The following SYNE3 variants were observed in gnomAD, a reference collection of about 807,000 sequenced individuals.
SYNE3 encodes spectrin repeat containing nuclear envelope family member 3.
A neutral mutation model predicts 111.2 loss-of-function variants in SYNE3; 100 were observed. The observed-to-expected ratio is 0.90, with a 90% CI of 0.77 to 1.06. SYNE3 has a LOEUF of 1.06. Among genes scored for constraint, SYNE3 ranks in the 50% least tolerant of loss-of-function variants. The pLI is 0.00. For synonymous variants in SYNE3, 547 were observed against 533.9 expected (o/e 1.02, Z -0.34); for missense variants, 1,160 against 1,240.3 (o/e 0.94, Z 0.97).
chr14:95,478,984 G>C (rs558171686), intron 1 of SYNE3, among the ~76,000 whole-genome samples: 26 of 152,128 alleles, frequency 1.7e-4, no homozygotes, highest in African/African-American at 6.3e-4. Flanking sequence ...CCTAGAATTG[G>C]TCCCAGTGGT....
intron 17 of SYNE3, among the ~76,000 whole-genome samples, chr14:95,421,136 T>G (rs1472549200): frequency 2.0e-5 from 3 of 152,216 alleles, no homozygotes; most frequent in Non-Finnish European, 4.4e-5. Context: ...TGTGAGTTCA[T>G]TAAACCTCTT....
At chr14:95,424,118 C>G (rs1048010408) in intron 17 of SYNE3, among the ~76,000 whole-genome samples, 1 of 152,132 alleles carries the variant, frequency 6.6e-6, no homozygotes, top group African/African-American at 2.4e-5. Flanking sequence ...ACAGATGAAG[C>G]AAGAGCTCAC....
In SYNE3 at chr14:95,482,578, C is replaced by A. The variant is rs73343106; in HGVS notation, c.-14-6743G>T. Among the ~76,000 whole-genome samples the A allele has an allele frequency of 5.1e-3, 781 of 152,218 alleles. 9 individuals carry two copies. The highest frequency in any genetic ancestry group is 0.017 in the African/African-American group (693 of 41,532). On this transcript the variant is annotated intron_variant, in intron 1 of 17. Coordinates refer to ENST00000682763, the MANE Select transcript of SYNE3 (RefSeq NM_152592.6). ...CTGAAACATGAGAGCAAGCCCCTCC[C>A]GAGCAAAGAAAGCGGCAACGTCAGT...
chr14:95,433,716 T>C (rs1196676919), intron 15 of SYNE3, among the ~76,000 whole-genome samples: 1 of 152,264 alleles, frequency 6.6e-6, no homozygotes, highest in African/African-American at 2.4e-5. Context: ...TTCGCATCAT[T>C]CTAAAAGCTG....
chr14:95,483,663 A>T (rs1889386387), intron 1 of SYNE3, among the ~76,000 whole-genome samples: 1 of 152,142 alleles, frequency 6.6e-6, no homozygotes, highest in Non-Finnish European at 1.5e-5. Context: ...GGTAGCGCCC[A>T]TGCATTATCT....
Position 95,470,829 on chromosome 14 carries a change from A to C in SYNE3, c.145-2862T>G, listed in dbSNP as rs142293026. ...AAAAATTAGCCGGGCATGGTGGCGC[A>C]CACCTGTGATCCTAGCTACTCAGGA... is the stretch of plus-strand genomic sequence containing the variant. On this transcript the variant is annotated intron_variant, in intron 2 of 17. Transcript: ENST00000682763. This position sits in a 1 kb window ranked among gnomAD's most constrained non-coding sequence, Gnocchi z 4.2. 1.4e-4 allele frequency among the ~76,000 whole-genome samples: 22 copies of C among 152,036 alleles called. No homozygotes were observed. The highest frequency in any genetic ancestry group is 5.3e-4 in the African/African-American group (22 of 41,518).
intron 4 of SYNE3, among the ~76,000 whole-genome samples, chr14:95,461,165 C>A (rs1055197991): frequency 6.6e-6 from 1 of 152,200 alleles, no homozygotes; most frequent in Non-Finnish European, 1.5e-5. Flanking sequence ...AATGTCAAAA[C>A]CTAACCAATT....
chr14:95,414,061 A>G lies in SYNE3; in HGVS notation c.*3765T>C, dbSNP rs907883127. 1 of 152,110 alleles carries G rather than the reference A, an allele frequency of 6.6e-6. No homozygotes were observed. Among genetic ancestry groups the G allele is most frequent in the African/African-American group, 2.4e-5 (1 of 41,374 alleles). 9.4% of individuals were successfully genotyped at this position (152,110 alleles called of 1,614,324 possible). A position where few individuals can be genotyped will look rare whatever the true frequency, so the allele number is the denominator to read the frequency against. On this transcript the variant is annotated 3_prime_UTR_variant, in exon 18 of 18. Coordinates refer to ENST00000682763, the MANE Select transcript of SYNE3 (RefSeq NM_152592.6). ...GGCAGTCCCTCAGGGAAACATTTGGATGCTCCGCTCTGGCCATGTCCCAGG... is the reference window on the plus strand; with the variant it reads ...GGCAGTCCCTCAGGGAAACATTTGGGTGCTCCGCTCTGGCCATGTCCCAGG...
chr14:95,486,127 T>C (rs1326378788), intron 1 of SYNE3, among the ~76,000 whole-genome samples: 2 of 152,028 alleles, frequency 1.3e-5, no homozygotes, highest in Admixed American at 6.5e-5. Flanking sequence ...CCAGTGCCCA[T>C]AGATGAAATC....
intron 4 of SYNE3, among the ~76,000 whole-genome samples, chr14:95,461,727 G>A (rs1431795255): frequency 2.0e-5 from 3 of 152,218 alleles, no homozygotes; most frequent in African/African-American, 4.8e-5. Flanking sequence ...GCCAGGCCTC[G>A]ACCCCCAGGA....
In SYNE3 at chr14:95,466,206, A is replaced by G. The variant is rs1595225235; in HGVS notation, c.352T>C (p.Tyr118His). The change falls in exon 4 of 18, where the codon TAC (tyrosine) becomes CAC (histidine). Residue 118 changes from tyrosine (Y) to histidine (H), a missense_variant. Transcript: ENST00000682763. ...IEWVWLHWSE[Y>H]LLARDEFYRW... is the part of the protein sequence containing the mutation. ...TAGAACTCATCTCGGGCCAGCAGGT[A>G]CTCGCTCCAGTGCAGCCACACCCAC... 1.3e-6 allele frequency: 2 copies of G among 1,588,020 alleles called. No homozygotes were observed. The highest frequency in any genetic ancestry group is 3.4e-5 in the Admixed American group (2 of 59,464).
rs1887367632 is a variant in SYNE3 at position 95,455,509 on chromosome 14, C to T, written c.1005G>A (p.Gln335=). 5 of 1,613,856 alleles carry T rather than the reference C, an allele frequency of 3.1e-6. No homozygotes were observed. The highest frequency in any genetic ancestry group is 4.2e-6 in the Non-Finnish European group (5 of 1,180,014). ...GLLRSRGAWE[Q]QIKQLEAELS... ...GCTCAGCCTCCAGCTGCTTAATCTG[C>T]TGCTCCCAGGCTCCCCTGGACCGGA... The change falls in exon 6 of 18, where the codon CAG becomes CAA. Residue 335 remains glutamine (Q), a synonymous_variant. Coordinates refer to ENST00000682763, the MANE Select transcript of SYNE3 (RefSeq NM_152592.6).
intron 8 of SYNE3, among the ~76,000 whole-genome samples, chr14:95,448,166 C>T (rs1343365682): frequency 1.3e-5 from 2 of 152,204 alleles, no homozygotes; most frequent in Non-Finnish European, 2.9e-5. Context: ...AATCTTCTGT[C>T]TCTTGGTGAC....
At chr14:95,498,753 G>C (rs1287525721) in intron 1 of SYNE3, among the ~76,000 whole-genome samples, 2 of 152,120 alleles carry the variant, frequency 1.3e-5, no homozygotes, top group African/African-American at 4.8e-5. Context: ...CCATAAGCAT[G>C]CAAAGAGCCT....
intron 17 of SYNE3, among the ~76,000 whole-genome samples, chr14:95,422,492 G>A (rs1885181066): frequency 6.6e-6 from 1 of 152,178 alleles, no homozygotes; most frequent in Non-Finnish European, 1.5e-5. Context: ...TTTCTCACAA[G>A]AAACAGCAAT....
In SYNE3 at chr14:95,436,912, A is replaced by G. The variant is rs1434893230; in HGVS notation, c.2446T>C (p.Trp816Arg). 3.7e-6 allele frequency: 6 copies of G among 1,614,154 alleles called. No individual in the cohort carries two copies. Among genetic ancestry groups the G allele is most frequent in the Non-Finnish European group, 5.1e-6 (6 of 1,180,022 alleles). Residue 816 changes from tryptophan (W) to arginine (R), a missense_variant, in exon 15 of 18, where the codon TGG becomes CGG. Trp to Arg is a moderately radical substitution (Grantham distance 101, BLOSUM62 -3). Coordinates refer to ENST00000682763, the MANE Select transcript of SYNE3 (RefSeq NM_152592.6). The part of the protein sequence containing the change: ...FSQLLRNFGQ[W>R]LQVENSKLVR... The stretch of plus-strand genomic sequence containing the variant: ...AGCTTGGAGTTTTCCACCTGCAACC[A>G]CTGCCCAAAGTTCCTCAGGAGCTGG...
chr14:95,504,970 T>C (rs189667586), intron 1 of SYNE3, among the ~76,000 whole-genome samples: 1 of 152,220 alleles, frequency 6.6e-6, no homozygotes, highest in African/African-American at 2.4e-5. Context: ...AGGCAGGGCC[T>C]GTTTATATCA....
Position 95,452,300 on chromosome 14 carries a change from G to A in SYNE3, c.1221C>T (p.His407=), listed in dbSNP as rs758098897. 3.7e-6 allele frequency: 6 copies of A among 1,613,890 alleles called. No homozygotes were observed. Among genetic ancestry groups the A allele is most frequent in the African/African-American group, 1.3e-5 (1 of 74,950 alleles). ...AQLKELIVFP[H]NLKPLSDSVI... is the part of the protein sequence containing the mutation. The stretch of plus-strand genomic sequence containing the variant: ...CACTATCAGAGAGTGGCTTCAGGTT[G>A]TGAGGGAAGACGATGAGCTCCTTCA... The change falls in exon 7 of 18, where the codon CAC becomes CAT. Residue 407 remains histidine, a synonymous_variant. Coordinates refer to ENST00000682763, the MANE Select transcript of SYNE3 (RefSeq NM_152592.6).
rs1239629404 is a variant in SYNE3, at chr14:95,490,762, C to T, written c.-14-14927G>A. Among the ~76,000 whole-genome samples the T allele has an allele frequency of 2.0e-5, 3 of 152,358 alleles. No individual in the cohort carries two copies. The East Asian group carries it at 5.8e-4, about 29-fold the overall frequency. On this transcript the variant is annotated intron_variant, in intron 1 of 17. Coordinates refer to ENST00000682763, the MANE Select transcript of SYNE3 (RefSeq NM_152592.6). ...TCAACCTGACACTCTTCAGATATGG[C>T]CCAGGGCAAGTGTTCACCACATGGG...
Sources: allele counts gnomAD v4.1 joint callset (sites outside exome capture counted in the v4.1 genomes callset), GRCh38; gene constraint gnomAD v4.1.1; non-coding constraint Gnocchi (gnomAD v3.1); transcripts MANE v1.5; gene names NCBI Gene and HGNC (gene_info 2026-07-23, HGNC 2026-07-21).